Variants in SMPDL3B observed in about 807,000 individuals in gnomAD.
SMPDL3B encodes the protein acid sphingomyelinase-like phosphodiesterase 3b.
A neutral mutation model predicts 37.9 loss-of-function variants in SMPDL3B; 31 were observed. That is an observed-to-expected ratio of 0.82 (90% CI 0.61 to 1.10). The LOEUF (loss-of-function observed/expected upper bound fraction) is 1.10. SMPDL3B is among the 50% of genes least tolerant of loss of function. The pLI, the probability that SMPDL3B is intolerant of heterozygous loss-of-function variation, is 0.00. For synonymous variants in SMPDL3B, 235 were observed against 242.6 expected (o/e 0.97, Z 0.29); for missense variants, 525 against 597.8 (o/e 0.88, Z 1.27).
intron 1 of SMPDL3B, chr1:27,942,132 T>C (rs2090364808): frequency 5.4e-6 from 2 of 372,676 alleles, no homozygotes; most frequent in East Asian, 7.4e-5. Context: ...AACTGACAGG[T>C]GAGATGAGGA....
At chr1:27,950,343 C>A (rs2090445785) in intron 3 of SMPDL3B, among the ~76,000 whole-genome samples, 1 of 152,222 alleles carries the variant, frequency 6.6e-6, no homozygotes, top group Non-Finnish European at 1.5e-5. Flanking sequence ...TGGCTCCGAG[C>A]TAGTCGGTTC....
At chr1:27,946,353 C>CA (rs369329982) in intron 2 of SMPDL3B, among the ~76,000 whole-genome samples, 1,392 of 134,614 alleles carry the variant, frequency 0.01, 28 homozygotes, top group African/African-American at 0.035. Context: ...GACTCTGTCT[C>CA]AAAAAAAAAA....
intron 5 of SMPDL3B, 35 bp downstream of exon 5, chr1:27,954,561 G>A (rs1454978288): frequency 6.3e-7 from 1 of 1,599,914 alleles, no homozygotes; most frequent in South Asian, 1.1e-5. Context: ...TCTCATCTGG[G>A]GTTATTTCCT....
Position 27,958,957 on chromosome 1 carries a change from G to A in SMPDL3B, c.*119G>A. ...AGGAGTGAACTGAAATAGGACAACC[G>A]AATCAGGAAGCGAAGCCCCAGGAGC... On this transcript the variant is annotated 3_prime_UTR_variant, in exon 8 of 8. Coordinates refer to ENST00000373894, the MANE Select transcript of SMPDL3B (RefSeq NM_014474.4). This position sits in a 1 kb window ranked among gnomAD's most constrained non-coding sequence, Gnocchi z 5.6. 1.8e-5 allele frequency: 23 copies of A among 1,245,162 alleles called. No homozygotes were observed. The highest frequency in any genetic ancestry group is 5.1e-5 in the East Asian group (2 of 38,872). The allele number at this position is 1,245,162 out of a possible 1,614,324, so 77.1% of individuals were successfully genotyped here. A position where few individuals can be genotyped will look rare whatever the true frequency, so the allele number is the denominator to read the frequency against.
intron 2 of SMPDL3B, among the ~76,000 whole-genome samples, chr1:27,947,210 A>G (rs1329959940): frequency 1.3e-5 from 2 of 151,732 alleles, no homozygotes; most frequent in Non-Finnish European, 2.9e-5. Flanking sequence ...CTAATTTTGT[A>G]TTTTTATTAG....
In SMPDL3B at chr1:27,935,179, C is replaced by G. The variant is rs774753867; in HGVS notation, c.-5C>G. On this transcript the variant is annotated 5_prime_UTR_variant, in exon 1 of 8. Coordinates refer to ENST00000373894, the MANE Select transcript of SMPDL3B (RefSeq NM_014474.4). ...CCCACGGCTCTGGGGAAGTGAGCCC[C>G]GAGGATGAGGCTGCTCGCCTGGCTG... The G allele has an allele frequency of 2.5e-6, 4 of 1,613,296 alleles. No homozygotes were observed. In the South Asian group the frequency reaches 4.4e-5, roughly 18 times the overall value.
At chr1:27,936,675 T>G (rs935835336) in intron 1 of SMPDL3B, 4 of 152,144 alleles carry the variant, frequency 2.6e-5, no homozygotes, top group Admixed American at 2.0e-4. Flanking sequence ...TACTATTTTT[T>G]TCTCTTTTCT....
At chr1:27,948,838 G>A (rs1397868871) in intron 2 of SMPDL3B, among the ~76,000 whole-genome samples, 1 of 152,216 alleles carries the variant, frequency 6.6e-6, no homozygotes, top group Non-Finnish European at 1.5e-5. Context: ...GTTAATAGAG[G>A]CTCAGAGAGG....
Position 27,958,993 on chromosome 1 carries a change from C to G in SMPDL3B, c.*155C>G. 1 of 884,752 alleles carries G rather than the reference C, an allele frequency of 1.1e-6. No homozygotes were observed. The highest frequency in any genetic ancestry group is 2.7e-5 in the East Asian group (1 of 37,318). The allele number at this position is 884,752 out of a possible 1,614,324, so 54.8% of individuals were successfully genotyped here. A position where few individuals can be genotyped will look rare whatever the true frequency, so the allele number is the denominator to read the frequency against. Reference sequence around the variant, plus strand: ...CGAAGCCCCAGGAGCTGCAGCCATCCGTGATCGCGCCACTGCACTCCAGCC... The same window carrying G: ...CGAAGCCCCAGGAGCTGCAGCCATCGGTGATCGCGCCACTGCACTCCAGCC... On this transcript the variant is annotated 3_prime_UTR_variant, in exon 8 of 8. Transcript: ENST00000373894. This position sits in a 1 kb window ranked among gnomAD's most constrained non-coding sequence, Gnocchi z 5.6.
intron 1 of SMPDL3B, among the ~76,000 whole-genome samples, chr1:27,943,221 T>C (rs935982912): frequency 6.6e-6 from 1 of 152,252 alleles, no homozygotes; most frequent in Non-Finnish European, 1.5e-5. Flanking sequence ...TTTCCTTATC[T>C]GTAAAGTGGG....
Position 27,958,014 on chromosome 1 carries a change from CAG to C in SMPDL3B, c.1006-459_1006-458del, listed in dbSNP as rs1638340165. On this transcript the variant is annotated intron_variant, in intron 7 of 7. Coordinates refer to ENST00000373894, the MANE Select transcript of SMPDL3B (RefSeq NM_014474.4). This position sits in a 1 kb window ranked among gnomAD's most constrained non-coding sequence, Gnocchi z 5.6. ...GAACCCGCTGGACTGATGAACCCTG[CAG>C]AGTCTAGCCGTGAACATGCACCTGG... Among the ~76,000 whole-genome samples the C allele has an allele frequency of 6.6e-6, 1 of 152,210 alleles. No individual in the cohort carries two copies. The highest frequency in any genetic ancestry group is 6.5e-5 in the Admixed American group (1 of 15,278).
chr1:27,954,920 C>T (rs1446990399), intron 5 of SMPDL3B, among the ~76,000 whole-genome samples: 2 of 152,216 alleles, frequency 1.3e-5, no homozygotes, highest in African/African-American at 4.8e-5. Flanking sequence ...CCTGACAGCT[C>T]CTCAAGGACT....
At chr1:27,947,021 T>C (rs1380805419) in intron 2 of SMPDL3B, among the ~76,000 whole-genome samples, 2 of 149,916 alleles carry the variant, frequency 1.3e-5, no homozygotes, top group Non-Finnish European at 3.0e-5. Flanking sequence ...AAATTCATGA[T>C]CCTTTAACAG....
At position 27,945,208 on chromosome 1, in the gene SMPDL3B, A is replaced by C; in HGVS notation, c.62-24A>C. ...AGGCTGAGAGAGAGACCAGCTTTGAAGGAGGATGTTTTTTCCCCTGCAGGG... is the reference window on the plus strand; with the variant it reads ...AGGCTGAGAGAGAGACCAGCTTTGACGGAGGATGTTTTTTCCCCTGCAGGG... On this transcript the variant is annotated intron_variant, in intron 1 of 7. Transcript: ENST00000373894. The surrounding 1 kb of genome is among the most constrained non-coding windows in gnomAD (Gnocchi z 4.0). 1 of 1,611,124 alleles carries C rather than the reference A, an allele frequency of 6.2e-7. No individual in the cohort carries two copies. The highest frequency in any genetic ancestry group is 8.5e-7 in the Non-Finnish European group (1 of 1,177,438).
intron 1 of SMPDL3B, 53 bp downstream of exon 1, chr1:27,935,297 G>A (rs1193882500): frequency 7.1e-7 from 1 of 1,404,212 alleles, no homozygotes; most frequent in Non-Finnish European, 1.0e-6. Flanking sequence ...TGAACTCTGG[G>A]GCTGCGGGAA....
chr1:27,945,535 T>A lies in SMPDL3B; in HGVS notation c.275+90T>A. On this transcript the variant is annotated intron_variant, in intron 2 of 7. Coordinates refer to ENST00000373894, the MANE Select transcript of SMPDL3B (RefSeq NM_014474.4). The surrounding 1 kb of genome is among the most constrained non-coding windows in gnomAD (Gnocchi z 4.0). Reference sequence around the variant, plus strand: ...GGCCCTTTGCCCACATTATCTCCCTTAATCCTCACATCAGTCTCACGTGAG... The same window carrying A: ...GGCCCTTTGCCCACATTATCTCCCTAAATCCTCACATCAGTCTCACGTGAG... 1 of 1,028,412 alleles carries A rather than the reference T, an allele frequency of 9.7e-7. No homozygotes were observed. Among genetic ancestry groups the A allele is most frequent in the Non-Finnish European group, 1.5e-6 (1 of 668,116 alleles). The allele number at this position is 1,028,412 out of a possible 1,614,324, so 63.7% of individuals were successfully genotyped here. A position where few individuals can be genotyped will look rare whatever the true frequency, so the allele number is the denominator to read the frequency against.
intron 2 of SMPDL3B, among the ~76,000 whole-genome samples, chr1:27,946,344 A>G (rs2090406803): frequency 6.7e-6 from 1 of 150,326 alleles, no homozygotes; most frequent in Non-Finnish European, 1.5e-5. Flanking sequence ...ACACAGCAAG[A>G]CTCTGTCTCA....
chr1:27,951,890 TCTC>T (rs2090458238), intron 3 of SMPDL3B, among the ~76,000 whole-genome samples: 1 of 152,140 alleles, frequency 6.6e-6, no homozygotes, highest in Non-Finnish European at 1.5e-5. Context: ...AGCTGGGTAA[TCTC>T]ATAAAGACTC....
chr1:27,942,548 G>A (rs1053659229), intron 1 of SMPDL3B, among the ~76,000 whole-genome samples: 15 of 152,202 alleles, frequency 9.9e-5, no homozygotes, highest in African/African-American at 3.4e-4. Context: ...GTGCAATCTC[G>A]GCTCACTGCA....
Sources: gnomAD v4.1 joint callset for allele counts (sites outside exome capture counted in the v4.1 genomes callset) on GRCh38, gnomAD v4.1.1 for gene constraint, Gnocchi (gnomAD v3.1) non-coding constraint, MANE v1.5 for transcripts, NCBI Gene and HGNC (gene_info 2026-07-23, HGNC 2026-07-21) for gene names.